The following AFAP1 variants were observed in gnomAD, a reference collection of about 807,000 sequenced individuals.
AFAP1 encodes actin filament associated protein 1, also known as actin filament-associated protein 1.
In AFAP1, 75 loss-of-function variants were observed where a neutral mutation model predicts 93.9. The observed-to-expected ratio is 0.80, with a 90% CI of 0.66 to 0.97. AFAP1 has a LOEUF of 0.97. AFAP1 is among the 50% of genes least tolerant of loss of function. The pLI is 0.00. For synonymous variants in AFAP1, 517 were observed against 430.7 expected, an observed-to-expected ratio of 1.20 and a Z score of -2.48; for missense variants, 1,201 against 1,050.8, an observed-to-expected ratio of 1.14 and a Z score of -1.98.
rs183318750 is a variant in AFAP1, at chr4:7,861,889, C to A, written c.226-6315G>T. 9.2e-5 allele frequency: 14 copies of A among 152,358 alleles called. No individual in the cohort carries two copies. In the East Asian group the frequency reaches 2.7e-3, roughly 29 times the overall value. 9.4% of individuals were successfully genotyped at this position (152,358 alleles called of 1,614,324 possible). A position where few individuals can be genotyped will look rare whatever the true frequency, so the allele number is the denominator to read the frequency against. On this transcript the variant is annotated intron_variant, in intron 3 of 17. Coordinates refer to ENST00000420658, the MANE Select transcript of AFAP1 (RefSeq NM_001134647.2). ...TAAATCGTGGGCTTTAGCCCCAGCT[C>A]TACAACTGGTAAAAGAGCCAACGTT... is the stretch of plus-strand genomic sequence containing the variant.
intron 6 of AFAP1, among the ~76,000 whole-genome samples, chr4:7,833,502 T>C (rs1431197631): frequency 1.3e-5 from 2 of 151,812 alleles, no homozygotes; most frequent in African/African-American, 4.8e-5. Flanking sequence ...TAGATGTTGG[T>C]GTGGATGCGG....
chr4:7,866,245 G>A (rs975352819), intron 3 of AFAP1, among the ~76,000 whole-genome samples: 1 of 151,418 alleles, frequency 6.6e-6, no homozygotes, highest in Non-Finnish European at 1.5e-5. Flanking sequence ...CACCCAGGCT[G>A]TAGTGCAGTG....
chr4:7,824,045 T>C (rs1202603523), intron 6 of AFAP1, among the ~76,000 whole-genome samples: 1 of 152,292 alleles, frequency 6.6e-6, no homozygotes, highest in Admixed American at 6.5e-5. Flanking sequence ...ACTGTCTTTC[T>C]ACTTTGGATC....
At chr4:7,863,013 A>C (rs1209970075) in intron 3 of AFAP1, among the ~76,000 whole-genome samples, 1 of 152,214 alleles carries the variant, frequency 6.6e-6, no homozygotes, top group Non-Finnish European at 1.5e-5. Flanking sequence ...GATGGGATCC[A>C]TTTCCCAGGA....
At chr4:7,873,773 C>T (rs1208733757) in intron 1 of AFAP1, among the ~76,000 whole-genome samples, 4 of 152,090 alleles carry the variant, frequency 2.6e-5, no homozygotes, top group Non-Finnish European at 4.4e-5. Context: ...CCAAGCCACC[C>T]GAAGCCACTT....
intron 9 of AFAP1, among the ~76,000 whole-genome samples, chr4:7,807,746 G>A (rs142538086): frequency 3.9e-4 from 59 of 152,352 alleles, no homozygotes; most frequent in African/African-American, 1.4e-3. Context: ...CCAGAAGTCA[G>A]TATGACGCAA....
intron 6 of AFAP1, among the ~76,000 whole-genome samples, chr4:7,823,445 G>GC (rs1721150921): frequency 6.8e-6 from 1 of 146,366 alleles, no homozygotes; most frequent in Non-Finnish European, 1.5e-5. Flanking sequence ...GTTGTTTTGT[G>GC]TGTTTTTTAA....
intron 6 of AFAP1, among the ~76,000 whole-genome samples, chr4:7,832,670 TA>T (rs5855986): frequency 5.3e-4 from 76 of 142,498 alleles, no homozygotes; most frequent in Non-Finnish European, 5.9e-4. Flanking sequence ...ATTCATATGT[TA>T]AAAAAAAAAA....
chr4:7,759,645 AAAGT>A lies in AFAP1; in HGVS notation c.*4116_*4119del, dbSNP rs1413455958. ...TTCCCATTAGAAAATCATTTTAGGAAAAGTAAGAGGAAGGCAATAGTTTAGTTTA... is the reference window on the plus strand; with the variant it reads ...TTCCCATTAGAAAATCATTTTAGGAAAAGAGGAAGGCAATAGTTTAGTTTA... On this transcript the variant is annotated 3_prime_UTR_variant, in exon 18 of 18. Coordinates refer to ENST00000420658, the MANE Select transcript of AFAP1 (RefSeq NM_001134647.2). The A allele has an allele frequency of 9.8e-5, 15 of 152,826 alleles. No individual in the cohort carries two copies. Among genetic ancestry groups the A allele is most frequent in the Middle Eastern group, 3.4e-3 (1 of 294 alleles). The allele number at this position is 152,826 out of a possible 1,614,324, so 9.5% of individuals were successfully genotyped here.
intron 8 of AFAP1, among the ~76,000 whole-genome samples, chr4:7,814,741 G>A (rs1406120777): frequency 1.3e-5 from 2 of 152,360 alleles, no homozygotes; most frequent in East Asian, 3.9e-4. Flanking sequence ...AGCTGCCAGG[G>A]CCTCGGGTAG....
chr4:7,832,064 A>G (rs1711687562), intron 6 of AFAP1, among the ~76,000 whole-genome samples: 1 of 152,158 alleles, frequency 6.6e-6, no homozygotes, highest in Admixed American at 6.5e-5. Context: ...TCAGCTGACA[A>G]ATGAAACTAC....
At chr4:7,922,467 G>GA (rs1482019785) in intron 1 of AFAP1, among the ~76,000 whole-genome samples, 2 of 152,174 alleles carry the variant, frequency 1.3e-5, no homozygotes, top group Non-Finnish European at 2.9e-5. Context: ...TGGAGATGAT[G>GA]TCCCAGATGG....
At chr4:7,793,172 T>A (rs866807321) in intron 11 of AFAP1, among the ~76,000 whole-genome samples, 2 of 131,506 alleles carry the variant, frequency 1.5e-5, no homozygotes, top group African/African-American at 5.6e-5. Context: ...ATTTTTTTTT[T>A]TAAAAAAATC....
rs115124161 is a variant in AFAP1 at position 7,807,990 on chromosome 4, G to A, written c.1054+1624C>T. Among the ~76,000 whole-genome samples, 1,422 of 152,284 alleles carry A rather than the reference G, an allele frequency of 9.3e-3. 29 individuals carry two copies. The highest frequency in any genetic ancestry group is 0.029 in the African/African-American group (1,224 of 41,544). ...TTTGTGTGTATAGCCCCATTTAGGC[G>A]CTGTGGGGCAGGAACTAAATGAGGT... On this transcript the variant is annotated intron_variant, in intron 9 of 17. Coordinates refer to ENST00000420658, the MANE Select transcript of AFAP1 (RefSeq NM_001134647.2).
At chr4:7,867,299 A>C (rs1406831244) in intron 3 of AFAP1, among the ~76,000 whole-genome samples, 1 of 152,184 alleles carries the variant, frequency 6.6e-6, no homozygotes, top group Non-Finnish European at 1.5e-5. Context: ...AATATATCCT[A>C]AGCACTTGAG....
At chr4:7,901,591 G>A (rs925143514) in intron 1 of AFAP1, among the ~76,000 whole-genome samples, 4 of 152,160 alleles carry the variant, frequency 2.6e-5, no homozygotes, top group African/African-American at 4.8e-5. Context: ...TGAGAGAACC[G>A]CACAGGAGGG....
intron 11 of AFAP1, among the ~76,000 whole-genome samples, chr4:7,789,709 C>T (rs1405628206): frequency 2.0e-5 from 3 of 147,902 alleles, no homozygotes; most frequent in Non-Finnish European, 4.5e-5. Context: ...CATCTCCCCA[C>T]GCTCTGCACC....
intron 6 of AFAP1, among the ~76,000 whole-genome samples, chr4:7,822,914 A>G (rs2149078166): frequency 6.6e-6 from 1 of 151,348 alleles, no homozygotes; most frequent in South Asian, 2.1e-4. Context: ...TTTTTTTTCA[A>G]CAGGGGAACT....
At chr4:7,910,048 T>A (rs754103111) in intron 1 of AFAP1, among the ~76,000 whole-genome samples, 1 of 152,110 alleles carries the variant, frequency 6.6e-6, no homozygotes, top group Non-Finnish European at 1.5e-5. Context: ...GTGAAAAAAA[T>A]ACCCTGGTAT....
Sources: allele counts gnomAD v4.1 joint callset (sites outside exome capture counted in the v4.1 genomes callset), GRCh38; gene constraint gnomAD v4.1.1; transcripts MANE v1.5; gene names NCBI Gene and HGNC (gene_info 2026-07-23, HGNC 2026-07-21).